The following PADI1 variants were observed in gnomAD, a reference collection of about 807,000 sequenced individuals.
PADI1 encodes the protein peptidyl arginine deiminase 1.
Under a neutral mutation model 74.8 loss-of-function variants are expected in PADI1, and 65 were observed. The observed-to-expected ratio is 0.87, with a 90% CI of 0.71 to 1.07. The LOEUF (loss-of-function observed/expected upper bound fraction) is 1.07, where lower values mean the gene tolerates loss of function less well. PADI1 is among the 50% of genes least tolerant of loss of function. PADI1 has a pLI of 0.00. For synonymous variants in PADI1, 371 were observed against 336.2 expected (o/e 1.10, Z -1.13); for missense variants, 943 against 854.0 (o/e 1.10, Z -1.30).
At chr1:17,214,340 C>T (rs527802788) in intron 1 of PADI1, among the ~76,000 whole-genome samples, 77 of 152,210 alleles carry the variant, frequency 5.1e-4, no homozygotes, top group African/African-American at 1.7e-3. Context: ...ACCCCCCTGC[C>T]CCCCGCCCCA....
intron 10 of PADI1, 80 bp from the exon 11 acceptor site, chr1:17,232,739 C>T (rs2072522822): frequency 7.6e-7 from 1 of 1,323,370 alleles, no homozygotes; most frequent in Non-Finnish European, 1.0e-6. Context: ...CAGCAACTCC[C>T]CTCTACTCCA....
At chr1:17,230,262 G>A in intron 9 of PADI1, 54 bp downstream of exon 9, 1 of 1,586,068 alleles carries the variant, frequency 6.3e-7, no homozygotes, top group Non-Finnish European at 8.6e-7. Flanking sequence ...GGAAAGGGAA[G>A]CCGCACAGGT....
chr1:17,239,816 G>A (rs1310848324), intron 14 of PADI1, 33 bp downstream of exon 14: 2 of 1,534,400 alleles, frequency 1.3e-6, no homozygotes, highest in Middle Eastern at 1.7e-4. Context: ...GCTCTAAGGG[G>A]TCCTTTCCCT....
chr1:17,222,775 G>A (rs927520207), intron 2 of PADI1, among the ~76,000 whole-genome samples: 2 of 152,086 alleles, frequency 1.3e-5, no homozygotes, highest in African/African-American at 4.8e-5. Flanking sequence ...GCCCACACAC[G>A]GACCCAGCAA....
intron 1 of PADI1, among the ~76,000 whole-genome samples, chr1:17,217,092 G>C (rs149355824): frequency 0.021 from 3,235 of 151,900 alleles, 68 homozygotes; most frequent in Middle Eastern, 0.051. Context: ...TGAGCCCTAA[G>C]CCAGGTGCGC....
At chr1:17,227,687 G>A (rs2072362592) in intron 6 of PADI1, among the ~76,000 whole-genome samples, 2 of 152,170 alleles carry the variant, frequency 1.3e-5, no homozygotes, top group African/African-American at 4.8e-5. Flanking sequence ...AACTGACCCA[G>A]AGCTTGTTGT....
chr1:17,235,032 G>A (rs1048646140), intron 11 of PADI1, among the ~76,000 whole-genome samples: 3 of 151,708 alleles, frequency 2.0e-5, no homozygotes, highest in Admixed American at 6.6e-5. Context: ...TAGGAGAATT[G>A]CTTGAATCCA....
chr1:17,231,261 T>A (rs1234783489), intron 10 of PADI1, among the ~76,000 whole-genome samples: 3 of 152,146 alleles, frequency 2.0e-5, no homozygotes, highest in Non-Finnish European at 4.4e-5. Context: ...TTCCTCTTTA[T>A]GGATGAGGAA....
chr1:17,211,838 G>C (rs1192300191), intron 1 of PADI1, among the ~76,000 whole-genome samples: 1 of 152,240 alleles, frequency 6.6e-6, no homozygotes, highest in Non-Finnish European at 1.5e-5. Flanking sequence ...TGTAAAATGG[G>C]GAGAAGAATA....
At chr1:17,223,416 C>G in intron 2 of PADI1, 1 of 577,362 alleles carries the variant, frequency 1.7e-6, no homozygotes, top group East Asian at 2.9e-5. Flanking sequence ...GCTCTGGGAA[C>G]CAAGGTGGGC....
Position 17,224,429 on chromosome 1 carries a change from G to A in PADI1, c.408+1G>A. 1 of 1,613,006 alleles carries A rather than the reference G, an allele frequency of 6.2e-7. No homozygotes were observed. Among genetic ancestry groups the A allele is most frequent in the Non-Finnish European group, 8.5e-7 (1 of 1,179,240 alleles). ...GGTGAAGAGGAGCCAAGGGGACAAG[G>A]TGAGACCCTTCCGGGCACCCCAAGG... On this transcript the variant is annotated splice_donor_variant, in intron 4 of 15. Coordinates refer to ENST00000375471, the MANE Select transcript of PADI1 (RefSeq NM_013358.3). LOFTEE classifies it high-confidence loss of function.
intron 10 of PADI1, among the ~76,000 whole-genome samples, chr1:17,231,047 T>C (rs2072477312): frequency 6.6e-6 from 1 of 152,108 alleles, no homozygotes; most frequent in South Asian, 2.1e-4. Flanking sequence ...ACGGCTCTTG[T>C]TCTTAAGAGC....
In PADI1 at chr1:17,237,422, C is replaced by T. The variant is rs762340781; in HGVS notation, c.1422C>T (p.Asp474=). 7 of 1,613,210 alleles carry T rather than the reference C, an allele frequency of 4.3e-6. No homozygotes were observed. Among genetic ancestry groups the T allele is most frequent in the African/African-American group, 2.7e-5 (2 of 74,882 alleles). The change falls in exon 12 of 16, where the codon GAC becomes GAT. Residue 474 remains aspartate (D), a synonymous_variant. Transcript: ENST00000375471. Reference sequence around the variant, plus strand: ...ACTGGCTCTCTGTGGGCCATGTGGACGAGTTTCTGACCTTTGTGCCTACCT... The same window carrying T: ...ACTGGCTCTCTGTGGGCCATGTGGATGAGTTTCTGACCTTTGTGCCTACCT... ...YSDWLSVGHV[D]EFLTFVPTSD... is the part of the protein sequence containing the mutation.
intron 1 of PADI1, among the ~76,000 whole-genome samples, chr1:17,222,081 G>C (rs113313931): frequency 6.6e-6 from 1 of 152,246 alleles, no homozygotes; most frequent in African/African-American, 2.4e-5. Flanking sequence ...AAGGACTTGG[G>C]TGTGGGCTGG....
At chr1:17,227,620 T>C (rs1381559030) in intron 6 of PADI1, among the ~76,000 whole-genome samples, 1 of 152,208 alleles carries the variant, frequency 6.6e-6, no homozygotes, top group Admixed American at 6.5e-5. Context: ...TACTTGTTTT[T>C]ACAAACAGCA....
intron 13 of PADI1, 121 bp from the exon 14 acceptor site, chr1:17,239,583 T>C: frequency 9.6e-6 from 7 of 732,712 alleles, no homozygotes; most frequent in Middle Eastern, 2.7e-4. Flanking sequence ...TTCTCTGTCC[T>C]GGCTTCTGAC....
intron 1 of PADI1, among the ~76,000 whole-genome samples, chr1:17,215,909 C>T (rs1230842825): frequency 6.6e-6 from 1 of 152,194 alleles, no homozygotes; most frequent in East Asian, 1.9e-4. Context: ...GTGCCATGGG[C>T]TGGAATGAAG....
At position 17,212,976 on chromosome 1, in the gene PADI1, G is replaced by C. The variant is rs112774902; in HGVS notation, c.92+7667G>C. Among the ~76,000 whole-genome samples, 3 of 152,354 alleles carry C rather than the reference G, an allele frequency of 2.0e-5. No individual in the cohort carries two copies. The East Asian group carries it at 5.8e-4, about 29-fold the overall frequency. Reference sequence around the variant, plus strand: ...GCCAAAGAGCCATGCAGAGGAGCTCGAATTGCACACTCTCTCAACACATTC... The same window carrying C: ...GCCAAAGAGCCATGCAGAGGAGCTCCAATTGCACACTCTCTCAACACATTC... On this transcript the variant is annotated intron_variant, in intron 1 of 15. Coordinates refer to ENST00000375471, the MANE Select transcript of PADI1 (RefSeq NM_013358.3).
chr1:17,217,311 G>A (rs1025788477), intron 1 of PADI1, among the ~76,000 whole-genome samples: 7 of 152,162 alleles, frequency 4.6e-5, no homozygotes, highest in African/African-American at 1.7e-4. Context: ...CAGGTGGGCC[G>A]CAGTGTTGTT....
Sources: gnomAD v4.1 joint callset for allele counts (sites outside exome capture counted in the v4.1 genomes callset) on GRCh38, gnomAD v4.1.1 for gene constraint, MANE v1.5 for transcripts, NCBI Gene and HGNC (gene_info 2026-07-23, HGNC 2026-07-21) for gene names.